NFATC2: variants seen among roughly 807,000 people sequenced by gnomAD.
NFATC2 encodes the protein nuclear factor of activated T-cells, cytoplasmic 2.
In NFATC2, 22 loss-of-function variants were observed where a neutral mutation model predicts 87.3. The observed-to-expected ratio is 0.25, with a 90% CI of 0.18 to 0.36. The LOEUF is 0.36. NFATC2 is among the 10% of genes least tolerant of loss of function. The pLI, the probability that NFATC2 is intolerant of heterozygous loss-of-function variation, is 1.00. For synonymous variants in NFATC2, 565 were observed against 542.2 expected, an observed-to-expected ratio of 1.04 and a Z score of -0.58; for missense variants, 1,149 against 1,259.1, an observed-to-expected ratio of 0.91 and a Z score of 1.32.
At position 51,389,173 on chromosome 20, in the gene NFATC2, A is replaced by G. The variant is rs868100401; in HGVS notation, c.*2323T>C. ...GTGTGTATTACACACACACACGCGT[A>G]CAGGAGGTTGAGCTACCAGGAGGCC... On this transcript the variant is annotated 3_prime_UTR_variant, in exon 11 of 11. Transcript: ENST00000371564. The G allele has an allele frequency of 2.6e-5, 4 of 152,212 alleles. No individual in the cohort carries two copies. The highest frequency in any genetic ancestry group is 2.0e-4 in the Admixed American group (3 of 15,288). The allele number at this position is 152,212 out of a possible 1,614,324, so 9.4% of individuals were successfully genotyped here.
intron 1 of NFATC2, among the ~76,000 whole-genome samples, chr20:51,552,130 T>A (rs2076939702): frequency 1.3e-5 from 2 of 150,866 alleles, no homozygotes; most frequent in South Asian, 4.2e-4. Context: ...AGCCCAGGAG[T>A]TCAAGACCAG....
chr20:51,424,408 C>T (rs889546582), intron 9 of NFATC2, among the ~76,000 whole-genome samples: 31 of 152,264 alleles, frequency 2.0e-4, no homozygotes, highest in African/African-American at 7.2e-4. Context: ...AATGTCACTG[C>T]GGTTAGGGGA....
At chr20:51,408,406 C>T (rs1280884161) in intron 9 of NFATC2, among the ~76,000 whole-genome samples, 1 of 149,888 alleles carries the variant, frequency 6.7e-6, no homozygotes, top group Non-Finnish European at 1.5e-5. Context: ...CCCAGCTACT[C>T]GGGAGGCTAA....
chr20:51,398,241 C>T (rs1011145593), intron 10 of NFATC2, among the ~76,000 whole-genome samples: 5 of 152,168 alleles, frequency 3.3e-5, no homozygotes, highest in South Asian at 2.1e-4. Flanking sequence ...GGTAGGTTTT[C>T]GGACCTCCCT....
At chr20:51,527,180 C>T (rs1028835503) in intron 1 of NFATC2, among the ~76,000 whole-genome samples, 1 of 152,038 alleles carries the variant, frequency 6.6e-6, no homozygotes, top group South Asian at 2.1e-4. Flanking sequence ...TGATTACAGA[C>T]GAGAACAACC....
Position 51,432,836 on chromosome 20 carries a change from G to A in NFATC2, c.2033-80C>T. On this transcript the variant is annotated intron_variant, in intron 8 of 10. Transcript: ENST00000371564. The surrounding 1 kb of genome is among the most constrained non-coding windows in gnomAD (Gnocchi z 4.6). Reference sequence around the variant, plus strand: ...CACGGAGGATTCGTGGATGGTGCTTGAGAACATGGCCTTGGGAGTCCATAC... The same window carrying A: ...CACGGAGGATTCGTGGATGGTGCTTAAGAACATGGCCTTGGGAGTCCATAC... 7.6e-7 allele frequency: 1 copy of A among 1,314,960 alleles called. No individual in the cohort carries two copies. The highest frequency in any genetic ancestry group is 1.0e-6 in the Non-Finnish European group (1 of 988,664). 81.5% of individuals were successfully genotyped at this position (1,314,960 alleles called of 1,614,324 possible).
At chr20:51,501,650 T>C (rs2076091228) in intron 3 of NFATC2, among the ~76,000 whole-genome samples, 1 of 152,212 alleles carries the variant, frequency 6.6e-6, no homozygotes, top group African/African-American at 2.4e-5. Context: ...TCCCAGTCAC[T>C]TTCCATCCCC....
chr20:51,401,453 G>A (rs1988036230), intron 9 of NFATC2, among the ~76,000 whole-genome samples: 1 of 152,140 alleles, frequency 6.6e-6, no homozygotes, highest in Non-Finnish European at 1.5e-5. Context: ...GTCTAAAAGA[G>A]GCCATTCCAA....
At chr20:51,555,437 C>CA (rs2076969605) in intron 1 of NFATC2, among the ~76,000 whole-genome samples, 1 of 151,944 alleles carries the variant, frequency 6.6e-6, no homozygotes, top group African/African-American at 2.4e-5. Context: ...ACTAAAAATA[C>CA]AAAAAATTAG....
intron 1 of NFATC2, among the ~76,000 whole-genome samples, chr20:51,560,582 T>A (rs2077012688): frequency 6.6e-6 from 1 of 152,256 alleles, no homozygotes; most frequent in Admixed American, 6.5e-5. Flanking sequence ...GAGACCACCG[T>A]GCAGGGCATA....
intron 5 of NFATC2, among the ~76,000 whole-genome samples, chr20:51,469,325 G>A (rs1465191471): frequency 1.3e-5 from 2 of 152,202 alleles, no homozygotes; most frequent in African/African-American, 4.8e-5. Flanking sequence ...CTGGGCATCA[G>A]TATTTTTTAA....
Position 51,432,451 on chromosome 20 carries a change from C to T in NFATC2, c.2338G>A (p.Ala780Thr), listed in dbSNP as rs772057890. 11 of 1,568,746 alleles carry T rather than the reference C, an allele frequency of 7.0e-6. No homozygotes were observed. Among genetic ancestry groups the T allele is most frequent in the Admixed American group, 1.8e-5 (1 of 56,146 alleles). Residue 780 changes from alanine to threonine, a missense_variant, in exon 9 of 11, where the codon GCT becomes ACT. Physicochemically the swap from Ala to Thr is moderately conservative, Grantham distance 58 (BLOSUM62 0). Coordinates refer to ENST00000371564, the MANE Select transcript of NFATC2 (RefSeq NM_012340.5). This position sits in a 1 kb window ranked among gnomAD's most constrained non-coding sequence, Gnocchi z 4.6. ...GCGTGCACCAGCACAGAGCGGTGAG[C>T]GTCCGCAAGGGACAGCGGGGCGGCC... ...LMAAPLSLAD[A>T]HRSVLVHAGS... is the part of the protein sequence containing the mutation.
intron 9 of NFATC2, among the ~76,000 whole-genome samples, chr20:51,408,511 T>TAA (rs376694540): frequency 0.025 from 3,099 of 125,172 alleles, 105 homozygotes; most frequent in East Asian, 0.051. Flanking sequence ...AAGACTCTTT[T>TAA]TAAAAAAAAA....
rs1027239320 is a variant in NFATC2 at position 51,390,453 on chromosome 20, T to C, written c.*1043A>G. The C allele has an allele frequency of 1.3e-5, 2 of 152,232 alleles. No homozygotes were observed. Among genetic ancestry groups the C allele is most frequent in the East Asian group, 1.9e-4 (1 of 5,202 alleles). 9.4% of individuals were successfully genotyped at this position (152,232 alleles called of 1,614,324 possible). A position where few individuals can be genotyped will look rare whatever the true frequency, so the allele number is the denominator to read the frequency against. Reference sequence around the variant, plus strand: ...CTGCTATTCCTCAATTAAATGCACATGCTTGAGATTCTCCACCGCTTTACG... The same window carrying C: ...CTGCTATTCCTCAATTAAATGCACACGCTTGAGATTCTCCACCGCTTTACG... On this transcript the variant is annotated 3_prime_UTR_variant, in exon 11 of 11. Coordinates refer to ENST00000371564, the MANE Select transcript of NFATC2 (RefSeq NM_012340.5).
rs1986262953 is a variant in NFATC2, at chr20:51,391,090, G to A, written c.*406C>T. On this transcript the variant is annotated 3_prime_UTR_variant, in exon 11 of 11. Coordinates refer to ENST00000371564, the MANE Select transcript of NFATC2 (RefSeq NM_012340.5). ...CTCCAGTCACTCTGTTCTCAGGAGAGTTCCAGTGTCCTGTCTCATGTAGAA... is the reference window on the plus strand; with the variant it reads ...CTCCAGTCACTCTGTTCTCAGGAGAATTCCAGTGTCCTGTCTCATGTAGAA... 2 of 506,188 alleles carry A rather than the reference G, an allele frequency of 4.0e-6. No individual in the cohort carries two copies. The highest frequency in any genetic ancestry group is 3.8e-5 in the African/African-American group (2 of 52,262). 31.4% of individuals were successfully genotyped at this position (506,188 alleles called of 1,614,324 possible).
In NFATC2 at chr20:51,410,209, CAA is replaced by C. The variant is rs386393961; in HGVS notation, c.2723-11481_2723-11480del. On this transcript the variant is annotated intron_variant, in intron 9 of 10. Coordinates refer to ENST00000371564, the MANE Select transcript of NFATC2 (RefSeq NM_012340.5). Reference sequence around the variant, plus strand: ...TGGGCGACAGAGCGAGACTCTGTCTCAAAAAAAAAAAAAAAAAAAGCGAAATA... The same window carrying C: ...TGGGCGACAGAGCGAGACTCTGTCTCAAAAAAAAAAAAAAAAAGCGAAATA... Among the ~76,000 whole-genome samples the C allele has an allele frequency of 8.3e-4, 86 of 103,104 alleles. No individual in the cohort carries two copies. The East Asian group carries it at 0.021, about 25-fold the overall frequency. The allele number at this position is 103,104 out of a possible 152,430, so 67.6% of individuals were successfully genotyped here.
In NFATC2 at chr20:51,433,129, C is replaced by A. The variant is rs144461179; in HGVS notation, c.2033-373G>T. Among the ~76,000 whole-genome samples, 3 of 152,252 alleles carry A rather than the reference C, an allele frequency of 2.0e-5. No individual in the cohort carries two copies. In the East Asian group the frequency reaches 5.8e-4, roughly 29 times the overall value. ...AGCAGCTCCTGTCTCCGCTTGCTTT[C>A]CTTTCTACTGCTTATCCCCGTCAGA... On this transcript the variant is annotated intron_variant, in intron 8 of 10. Coordinates refer to ENST00000371564, the MANE Select transcript of NFATC2 (RefSeq NM_012340.5).
At chr20:51,454,043 G>A (rs938286186) in intron 6 of NFATC2, among the ~76,000 whole-genome samples, 1 of 152,104 alleles carries the variant, frequency 6.6e-6, no homozygotes, top group African/African-American at 2.4e-5. Context: ...TGCTGTACTT[G>A]GCACTATTAT....
chr20:51,459,545 C>T lies in NFATC2; in HGVS notation c.1709-4857G>A, dbSNP rs9789810. ...CATAGTTTACTAGCTGTGTGGCCTT[C>T]GAGTGGCAGCTCTCTGTGCCTCAGT... On this transcript the variant is annotated intron_variant, in intron 5 of 10. Transcript: ENST00000371564. 1.2e-4 allele frequency among the ~76,000 whole-genome samples: 19 copies of T among 152,238 alleles called. No homozygotes were observed. The East Asian group carries it at 2.9e-3, about 23-fold the overall frequency.
Sources: allele counts gnomAD v4.1 joint callset (sites outside exome capture counted in the v4.1 genomes callset), GRCh38; gene constraint gnomAD v4.1.1; non-coding constraint Gnocchi (gnomAD v3.1); transcripts MANE v1.5; gene names NCBI Gene and HGNC (gene_info 2026-07-23, HGNC 2026-07-21).